Variants in ULK4 observed in about 807,000 individuals in gnomAD.
ULK4 encodes unc-51 like kinase 4.
A neutral mutation model predicts 160.6 loss-of-function variants in ULK4; 133 were observed. The observed-to-expected ratio is 0.83, with a 90% CI of 0.72 to 0.96. The LOEUF is 0.96. Among genes scored for constraint, ULK4 ranks in the 40% least tolerant of loss-of-function variants. The pLI, the probability that ULK4 is intolerant of heterozygous loss-of-function variation, is 0.00. For missense variants in ULK4, 1,580 were observed against 1,499.5 expected (o/e 1.05, Z -0.89); for synonymous variants, 534 against 539.8 (o/e 0.99, Z 0.15).
chr3:41,772,804 T>C (rs993723465), intron 21 of ULK4, among the ~76,000 whole-genome samples: 313 of 152,286 alleles, frequency 2.1e-3, no homozygotes, highest in Non-Finnish European at 2.4e-3. Context: ...TGATGAACAC[T>C]GATGCAAAAA....
chr3:41,263,192 T>A (rs886372377), intron 35 of ULK4, among the ~76,000 whole-genome samples: 9 of 152,114 alleles, frequency 5.9e-5, no homozygotes. Context: ...TCATAAGAAG[T>A]GAGGAACAGT....
chr3:41,644,620 T>C (rs1295650570), intron 30 of ULK4, among the ~76,000 whole-genome samples: 1 of 152,178 alleles, frequency 6.6e-6, no homozygotes, highest in Non-Finnish European at 1.5e-5. Context: ...GATTTTTGCA[T>C]CAGTGTTCAT....
At chr3:41,420,802 T>C (rs1454526931) in intron 34 of ULK4, among the ~76,000 whole-genome samples, 1 of 148,154 alleles carries the variant, frequency 6.7e-6, no homozygotes, top group Non-Finnish European at 1.5e-5. Context: ...TTCAATTTAA[T>C]GTCAGTATTA....
At chr3:41,327,798 AC>A in intron 35 of ULK4, among the ~76,000 whole-genome samples, 1 of 152,350 alleles carries the variant, frequency 6.6e-6, no homozygotes. Context: ...ATTAACAGTC[AC>A]ATATAAAGAG....
intron 17 of ULK4, among the ~76,000 whole-genome samples, chr3:41,850,543 T>C (rs2042183927): frequency 6.6e-6 from 1 of 152,174 alleles, no homozygotes; most frequent in African/African-American, 2.4e-5. Context: ...GGTTTTCATT[T>C]GCATTTCTCT....
intron 35 of ULK4, among the ~76,000 whole-genome samples, chr3:41,265,406 G>C (rs1444632253): frequency 6.6e-6 from 1 of 152,226 alleles, no homozygotes; most frequent in African/African-American, 2.4e-5. Context: ...TCAGTCATTT[G>C]CTCTGTCCTC....
Position 41,398,150 on chromosome 3 carries a change from A to G in ULK4, c.3607T>C (p.Phe1203Leu). 1 of 1,613,502 alleles carries G rather than the reference A, an allele frequency of 6.2e-7. No individual in the cohort carries two copies. The highest frequency in any genetic ancestry group is 8.5e-7 in the Non-Finnish European group (1 of 1,179,664). The change falls in exon 35 of 37, where the codon TTT (phenylalanine) becomes CTT (leucine). Residue 1203 changes from phenylalanine to leucine, a missense_variant. Coordinates refer to ENST00000301831, the MANE Select transcript of ULK4 (RefSeq NM_017886.4). The part of the protein sequence containing the change: ...DSLSPENVEI[F>L]AHLLTSKEDP... ...TCCTTGGATGTCAGTAAATGAGCAA[A>G]AATTTCCACATTTTCAGGAGAGAGG...
intron 16 of ULK4, among the ~76,000 whole-genome samples, 172 bp downstream of exon 16, chr3:41,895,346 T>C (rs182117161): frequency 2.4e-3 from 367 of 152,338 alleles, no homozygotes; most frequent in African/African-American, 7.9e-3. Flanking sequence ...CTATTTTTAA[T>C]ATTCTAAAAT....
rs536830654 is a variant in ULK4 at position 41,418,217 on chromosome 3, A to G, written c.3493-19953T>C. On this transcript the variant is annotated intron_variant, in intron 34 of 36. Transcript: ENST00000301831. ...CTGCATATAACTTTTGACTTCCCCA[A>G]ACTTAACTACTAATAGCCTACTGTT... 5.5e-4 allele frequency among the ~76,000 whole-genome samples: 84 copies of G among 152,132 alleles called. 1 individual carries two copies. The highest frequency in any genetic ancestry group is 2.0e-3 in the African/African-American group (81 of 41,498).
At chr3:41,539,270 A>C (rs2086618328) in intron 32 of ULK4, among the ~76,000 whole-genome samples, 1 of 152,142 alleles carries the variant, frequency 6.6e-6, no homozygotes, top group Non-Finnish European at 1.5e-5. Context: ...AACCAGCGAT[A>C]ATCAATACAC....
chr3:41,470,036 A>AAAAAAAAAAAAAAAAAAAAAATTAT (rs1553675873), intron 32 of ULK4, among the ~76,000 whole-genome samples: 1 of 148,716 alleles, frequency 6.7e-6, no homozygotes, highest in African/African-American at 2.5e-5. Context: ...AAAAAAAAAA[A>AAAAAAAAAAAAAAAAAAAAAATTAT]AAAAAAAAAA....
At chr3:41,656,529 T>C (rs538870467) in intron 30 of ULK4, among the ~76,000 whole-genome samples, 1 of 152,344 alleles carries the variant, frequency 6.6e-6, no homozygotes, top group African/African-American at 2.4e-5. Flanking sequence ...AACTTTCTTA[T>C]CGTTGATTTT....
At chr3:41,267,029 G>T (rs927805171) in intron 35 of ULK4, among the ~76,000 whole-genome samples, 38 of 134,316 alleles carry the variant, frequency 2.8e-4, no homozygotes, top group Admixed American at 1.1e-3. Context: ...GGGGGGGGGG[G>T]GTTTAAGGCT....
intron 5 of ULK4, among the ~76,000 whole-genome samples, chr3:41,926,884 A>G (rs1309004535): frequency 1.3e-5 from 2 of 152,220 alleles, no homozygotes; most frequent in East Asian, 1.9e-4. Flanking sequence ...GATGTACCTG[A>G]AAGTGATGGA....
intron 2 of ULK4, among the ~76,000 whole-genome samples, chr3:41,947,031 A>C (rs114029876): frequency 3.0e-3 from 457 of 152,352 alleles, no homozygotes; most frequent in African/African-American, 9.9e-3. Context: ...GTGTCCTAAA[A>C]TGAAGGAACA....
At chr3:41,748,294 C>T (rs577518949) in intron 22 of ULK4, among the ~76,000 whole-genome samples, 58 of 150,702 alleles carry the variant, frequency 3.8e-4, no homozygotes, top group Non-Finnish European at 7.2e-4. Flanking sequence ...TATATATATA[C>T]ACACACACAG....
chr3:41,349,849 T>A (rs2080873895), intron 35 of ULK4, among the ~76,000 whole-genome samples: 1 of 152,132 alleles, frequency 6.6e-6, no homozygotes, highest in Non-Finnish European at 1.5e-5. Flanking sequence ...ATAGCTTAAT[T>A]TTTCTATAAA....
chr3:41,504,260 T>C (rs1383809344), intron 32 of ULK4, among the ~76,000 whole-genome samples: 1 of 152,188 alleles, frequency 6.6e-6, no homozygotes, highest in East Asian at 1.9e-4. Flanking sequence ...TGTGTCAACA[T>C]CTGACATACT....
intron 18 of ULK4, among the ~76,000 whole-genome samples, chr3:41,828,242 A>G (rs1195301136): frequency 1.4e-5 from 2 of 144,360 alleles, no homozygotes; most frequent in African/African-American, 5.2e-5. Context: ...CTGGCACAAG[A>G]CAGGGATGCC....
Sources: gnomAD v4.1 joint callset for allele counts (sites outside exome capture counted in the v4.1 genomes callset) on GRCh38, gnomAD v4.1.1 for gene constraint, MANE v1.5 for transcripts, NCBI Gene and HGNC (gene_info 2026-07-23, HGNC 2026-07-21) for gene names.